Variants in CSRNP3 observed in about 807,000 individuals in gnomAD.
CSRNP3 encodes the protein cysteine/serine-rich nuclear protein 3.
CSRNP3 carries 12 observed loss-of-function variants against 48.0 expected under a neutral mutation model. The observed-to-expected ratio is 0.25, with a 90% CI of 0.16 to 0.41. CSRNP3 has a LOEUF of 0.41. CSRNP3 is among the 10% of genes least tolerant of loss of function. The pLI is 1.00. For synonymous variants in CSRNP3, 263 were observed against 269.7 expected, an observed-to-expected ratio of 0.98 and a Z score of 0.24; for missense variants, 580 against 724.4, an observed-to-expected ratio of 0.80 and a Z score of 2.29.
At chr2:165,677,156 G>A (rs1443220069) in intron 6 of CSRNP3, among the ~76,000 whole-genome samples, 4 of 152,178 alleles carry the variant, frequency 2.6e-5, no homozygotes, top group Non-Finnish European at 5.9e-5. Flanking sequence ...ACCGAACTAG[G>A]TCAGGGGTTG....
chr2:165,528,005 C>A (rs1267342867), intron 3 of CSRNP3, among the ~76,000 whole-genome samples: 1 of 151,136 alleles, frequency 6.6e-6, no homozygotes, highest in Non-Finnish European at 1.5e-5. Flanking sequence ...GGAGGAAGAG[C>A]TAATAAATAA....
At position 165,665,962 on chromosome 2, in the gene CSRNP3, AAG is replaced by A. The variant is rs540429686; in HGVS notation, c.408+7949_408+7950del. ...GAGGAAGGAAGGAAGGACGGAAGGA[AAG>A]AGAGAGGGGAAGAAAGAAAGAGAGA... On this transcript the variant is annotated intron_variant, in intron 5 of 6. Coordinates refer to ENST00000651982, the MANE Select transcript of CSRNP3 (RefSeq NM_001172173.2). Among the ~76,000 whole-genome samples the A allele has an allele frequency of 3.0e-3, 347 of 115,896 alleles. 6 individuals are homozygous for A. The highest frequency in any genetic ancestry group is 0.01 in the African/African-American group (327 of 31,646). 76.0% of individuals were successfully genotyped at this position (115,896 alleles called of 152,430 possible). A position where few individuals can be genotyped will look rare whatever the true frequency, so the allele number is the denominator to read the frequency against.
At chr2:165,532,186 G>A (rs1220691019) in intron 3 of CSRNP3, among the ~76,000 whole-genome samples, 1 of 152,076 alleles carries the variant, frequency 6.6e-6, no homozygotes, top group East Asian at 1.9e-4. Context: ...AGAAAAAGAG[G>A]GAATCCTCCC....
chr2:165,522,545 A>T (rs766662672), intron 3 of CSRNP3, among the ~76,000 whole-genome samples: 4 of 152,042 alleles, frequency 2.6e-5, no homozygotes, highest in Admixed American at 6.5e-5. Context: ...AAAAGAGTTT[A>T]TTACATATGT....
At chr2:165,605,037 C>T (rs1324244729) in intron 4 of CSRNP3, among the ~76,000 whole-genome samples, 1 of 152,182 alleles carries the variant, frequency 6.6e-6, no homozygotes, top group Non-Finnish European at 1.5e-5. Flanking sequence ...TATCACCATC[C>T]TCTTTCTCCT....
chr2:165,529,573 A>G (rs1187480968), intron 3 of CSRNP3, among the ~76,000 whole-genome samples: 1 of 152,192 alleles, frequency 6.6e-6, no homozygotes, highest in Non-Finnish European at 1.5e-5. Context: ...ATGGATATGA[A>G]CTAATTCACT....
At chr2:165,522,218 G>T (rs1429326986) in intron 3 of CSRNP3, among the ~76,000 whole-genome samples, 1 of 152,070 alleles carries the variant, frequency 6.6e-6, no homozygotes, top group African/African-American at 2.4e-5. Context: ...CTTGAACCTG[G>T]AAGGTGGAGG....
intron 4 of CSRNP3, among the ~76,000 whole-genome samples, chr2:165,637,261 A>G (rs1353642647): frequency 1.3e-5 from 2 of 152,220 alleles, no homozygotes; most frequent in Non-Finnish European, 2.9e-5. Flanking sequence ...GAGTTCTAAC[A>G]AGGAAATGGA....
chr2:165,554,068 T>A (rs992130586), intron 3 of CSRNP3, among the ~76,000 whole-genome samples: 50 of 152,308 alleles, frequency 3.3e-4, no homozygotes, highest in African/African-American at 1.1e-3. Flanking sequence ...TTGTAAATTT[T>A]CAGCCATCCA....
At chr2:165,586,304 A>G (rs968508779) in intron 3 of CSRNP3, among the ~76,000 whole-genome samples, 4 of 152,226 alleles carry the variant, frequency 2.6e-5, no homozygotes, top group Non-Finnish European at 5.9e-5. Flanking sequence ...TTTCAAGGGC[A>G]GGAATTTTCA....
chr2:165,634,184 CA>C (rs1686589313), intron 4 of CSRNP3, among the ~76,000 whole-genome samples: 1 of 151,912 alleles, frequency 6.6e-6, no homozygotes, highest in East Asian at 1.9e-4. Context: ...ACTAAAAATA[CA>C]AAAAATTAGC....
At chr2:165,542,167 T>C (rs774011433) in intron 3 of CSRNP3, among the ~76,000 whole-genome samples, 9 of 152,156 alleles carry the variant, frequency 5.9e-5, no homozygotes, top group Non-Finnish European at 1.3e-4. Flanking sequence ...AGCATTTCCT[T>C]CTCTGGGAAA....
chr2:165,588,106 T>G (rs978670396), intron 3 of CSRNP3, among the ~76,000 whole-genome samples: 7 of 152,130 alleles, frequency 4.6e-5, no homozygotes, highest in Non-Finnish European at 1.0e-4. Context: ...AAATAAATAA[T>G]ACGGATTTAG....
intron 2 of CSRNP3, among the ~76,000 whole-genome samples, chr2:165,513,942 A>C (rs1424035441): frequency 6.6e-6 from 1 of 152,248 alleles, no homozygotes; most frequent in East Asian, 1.9e-4. Flanking sequence ...TTTCTCAATT[A>C]AGCCCCAAAT....
intron 1 of CSRNP3, among the ~76,000 whole-genome samples, chr2:165,484,144 C>T (rs779334673): frequency 6.6e-5 from 10 of 152,136 alleles, no homozygotes; most frequent in Non-Finnish European, 1.2e-4. Flanking sequence ...GTCCCACTGT[C>T]ACCCAGGCTA....
intron 6 of CSRNP3, among the ~76,000 whole-genome samples, chr2:165,678,230 A>G (rs189276432): frequency 3.6e-4 from 55 of 152,314 alleles, no homozygotes; most frequent in Non-Finnish European, 4.0e-4. Context: ...AAAAGTTAAC[A>G]TGGGGTACAT....
At chr2:165,634,991 C>G (rs1370121706) in intron 4 of CSRNP3, among the ~76,000 whole-genome samples, 1 of 152,230 alleles carries the variant, frequency 6.6e-6, no homozygotes, top group Admixed American at 6.5e-5. Flanking sequence ...TGAATCCAGC[C>G]AGTGCAGTCC....
chr2:165,581,781 C>T (rs1157405637), intron 3 of CSRNP3, among the ~76,000 whole-genome samples: 3 of 152,126 alleles, frequency 2.0e-5, no homozygotes, highest in Non-Finnish European at 4.4e-5. Flanking sequence ...AGGCAATCCG[C>T]CCACCTCTGC....
chr2:165,621,920 T>G (rs1297288678), intron 4 of CSRNP3, among the ~76,000 whole-genome samples: 1 of 152,186 alleles, frequency 6.6e-6, no homozygotes, highest in Non-Finnish European at 1.5e-5. Flanking sequence ...ATTTTGTTCT[T>G]TAGAGCATTC....
Sources: gnomAD v4.1 joint callset for allele counts (sites outside exome capture counted in the v4.1 genomes callset) on GRCh38, gnomAD v4.1.1 for gene constraint, MANE v1.5 for transcripts, NCBI Gene and HGNC (gene_info 2026-07-23, HGNC 2026-07-21) for gene names.